Variants in PRXL2A observed in about 807,000 individuals in gnomAD.
PRXL2A encodes peroxiredoxin-like 2A.
Under a neutral mutation model 25.6 loss-of-function variants are expected in PRXL2A, and 26 were observed. The observed-to-expected ratio is 1.02, with a 90% confidence interval of 0.74 to 1.41. The LOEUF (loss-of-function observed/expected upper bound fraction) is 1.41. Ranked by LOEUF, PRXL2A falls within the 40% of genes most tolerant of loss-of-function variation. The pLI, the probability that PRXL2A is intolerant of heterozygous loss-of-function variation, is 0.00. For missense variants in PRXL2A, 246 were observed against 273.9 expected (o/e 0.90, Z 0.72); for synonymous variants, 98 against 102.9 (o/e 0.95, Z 0.29).
intron 5 of PRXL2A, 67 bp downstream of exon 5, chr10:80,427,563 A>AAGCT (rs1477916762): frequency 6.6e-7 from 1 of 1,523,984 alleles, no homozygotes; most frequent in Non-Finnish European, 9.0e-7. Context: ...CTCCAACCAG[A>AAGCT]AGCTGGAGTG....
chr10:80,416,331 G>A (rs914085816), intron 1 of PRXL2A, among the ~76,000 whole-genome samples: 37 of 152,186 alleles, frequency 2.4e-4, no homozygotes, highest in African/African-American at 6.8e-4. Flanking sequence ...CCAGAGGTGC[G>A]CTGTGCTAGG....
intron 3 of PRXL2A, among the ~76,000 whole-genome samples, chr10:80,425,098 C>G (rs1844999147): frequency 1.3e-5 from 2 of 152,168 alleles, no homozygotes; most frequent in Admixed American, 1.3e-4. Flanking sequence ...GATGAGTAGA[C>G]TGCATTTAAA....
rs1589219042 is a variant in PRXL2A at position 80,436,052 on chromosome 10, G to A, written c.*3953G>A. The A allele has an allele frequency of 6.6e-6, 1 of 151,990 alleles. No individual in the cohort carries two copies. The highest frequency in any genetic ancestry group is 1.9e-4 in the East Asian group (1 of 5,160). The allele number at this position is 151,990 out of a possible 1,614,324, so 9.4% of individuals were successfully genotyped here. On this transcript the variant is annotated 3_prime_UTR_variant, in exon 6 of 6. Transcript: ENST00000606162. ...CACAGTAGAATCACCTGGTGCGGGGGTTGGGGGCGGGGTGCAGTGTAAAAA... is the reference window on the plus strand; with the variant it reads ...CACAGTAGAATCACCTGGTGCGGGGATTGGGGGCGGGGTGCAGTGTAAAAA...
At position 80,408,579 on chromosome 10, in the gene PRXL2A, CG is replaced by C. The variant is rs1844347213; in HGVS notation, c.-65del. The C allele has an allele frequency of 6.6e-6, 1 of 152,186 alleles. No individual in the cohort carries two copies. Among genetic ancestry groups the C allele is most frequent in the Non-Finnish European group, 1.5e-5 (1 of 68,084 alleles). The allele number at this position is 152,186 out of a possible 1,614,324, so 9.4% of individuals were successfully genotyped here. A position where few individuals can be genotyped will look rare whatever the true frequency, so the allele number is the denominator to read the frequency against. On this transcript the variant is annotated 5_prime_UTR_variant, in exon 1 of 6. Coordinates refer to ENST00000606162, the MANE Select transcript of PRXL2A (RefSeq NM_032333.5). ...CGCCCCTGGGACCCTCCGGGCCGGG[CG>C]GTTTGGCCCCTTAGCGCCCGGGCGT...
rs922903611 is a variant in PRXL2A, at chr10:80,436,186, T to A, written c.*4087T>A. 6.0e-5 allele frequency: 9 copies of A among 150,818 alleles called. No individual in the cohort carries two copies. Among genetic ancestry groups the A allele is most frequent in the Non-Finnish European group, 2.9e-5 (2 of 67,872 alleles). The allele number at this position is 150,818 out of a possible 1,614,324, so 9.3% of individuals were successfully genotyped here. ...TAGAGTGCAGTAATGCAATCATGGC[T>A]CACTGCTGCCTTAACTTCTGGGCTC... On this transcript the variant is annotated 3_prime_UTR_variant, in exon 6 of 6. Transcript: ENST00000606162.
intron 1 of PRXL2A, among the ~76,000 whole-genome samples, chr10:80,415,923 G>A (rs1844645261): frequency 6.6e-6 from 1 of 152,246 alleles, no homozygotes; most frequent in African/African-American, 2.4e-5. Flanking sequence ...AGGAGTCAGA[G>A]TCCATTTGTG....
Position 80,433,594 on chromosome 10 carries a change from C to A in PRXL2A, c.*1495C>A, listed in dbSNP as rs374411753. 1 of 152,152 alleles carries A rather than the reference C, an allele frequency of 6.6e-6. No homozygotes were observed. The highest frequency in any genetic ancestry group is 1.5e-5 in the Non-Finnish European group (1 of 68,054). The allele number at this position is 152,152 out of a possible 1,614,324, so 9.4% of individuals were successfully genotyped here. A position where few individuals can be genotyped will look rare whatever the true frequency, so the allele number is the denominator to read the frequency against. On this transcript the variant is annotated 3_prime_UTR_variant, in exon 6 of 6. Coordinates refer to ENST00000606162, the MANE Select transcript of PRXL2A (RefSeq NM_032333.5). Reference sequence around the variant, plus strand: ...CAGAGTGAGTTAGGGTTGAGTGGTTCGGGACTAAGACCCACTAAGACCATG... The same window carrying A: ...CAGAGTGAGTTAGGGTTGAGTGGTTAGGGACTAAGACCCACTAAGACCATG...
chr10:80,413,804 T>G, intron 1 of PRXL2A: 2 of 1,071,262 alleles, frequency 1.9e-6, no homozygotes, highest in Non-Finnish European at 2.3e-6. Flanking sequence ...CCTTGCCGCC[T>G]GCCCAGGCCC....
intron 5 of PRXL2A, among the ~76,000 whole-genome samples, chr10:80,428,174 G>A (rs1244275948): frequency 3.9e-5 from 6 of 152,160 alleles, no homozygotes; most frequent in Admixed American, 3.9e-4. Flanking sequence ...GGTCCTGGCT[G>A]TGAGGCTCCA....
At chr10:80,431,556 C>G (rs1845261432) in intron 5 of PRXL2A, among the ~76,000 whole-genome samples, 2 of 152,104 alleles carry the variant, frequency 1.3e-5, no homozygotes, top group Non-Finnish European at 2.9e-5. Flanking sequence ...ATGAGGGTCT[C>G]TCTTTTAGAT....
intron 1 of PRXL2A, chr10:80,409,095 G>A (rs1056172821): frequency 2.0e-6 from 2 of 985,042 alleles, no homozygotes; most frequent in Non-Finnish European, 2.4e-6. Flanking sequence ...CCTCGTCCTC[G>A]TCTCTGTGCC....
intron 5 of PRXL2A, among the ~76,000 whole-genome samples, chr10:80,428,278 C>G (rs1845121933): frequency 6.6e-6 from 1 of 152,196 alleles, no homozygotes; most frequent in African/African-American, 2.4e-5. Context: ...GTGTCAGAGT[C>G]TAGGCAGCCT....
Position 80,427,361 on chromosome 10 carries a change from G to T in PRXL2A, c.441G>T (p.Lys147Asn), listed in dbSNP as rs1845078494. The T allele has an allele frequency of 2.5e-6, 4 of 1,614,150 alleles. No individual in the cohort carries two copies. Among genetic ancestry groups the T allele is most frequent in the Non-Finnish European group, 3.4e-6 (4 of 1,180,038 alleles). Residue 147 changes from lysine (K) to asparagine (N), a missense_variant, in exon 5 of 6, where the codon AAG becomes AAT. By Grantham distance (94) the Lys-to-Asn change is moderately conservative. Coordinates refer to ENST00000606162, the MANE Select transcript of PRXL2A (RefSeq NM_032333.5). ...KKKFYGPQRR[K>N]MMFMGFIRLG... is the part of the protein sequence containing the mutation. The stretch of plus-strand genomic sequence containing the variant: ...AGTTCTATGGTCCACAAAGGCGGAA[G>T]ATGATGTTTATGGGATTTATCCGTC...
chr10:80,422,395 A>G (rs1844898687), intron 2 of PRXL2A, 22 bp from the exon 3 acceptor site: 1 of 1,598,028 alleles, frequency 6.3e-7, no homozygotes, highest in Non-Finnish European at 8.6e-7. Context: ...GAGATATCGA[A>G]TTTCTTTTTT....
At chr10:80,419,376 C>T (rs1211619236) in intron 1 of PRXL2A, among the ~76,000 whole-genome samples, 2 of 147,228 alleles carry the variant, frequency 1.4e-5, no homozygotes, top group African/African-American at 2.5e-5. Context: ...GGCACGATCT[C>T]GGCTCACCGC....
intron 4 of PRXL2A, 36 bp from the exon 5 acceptor site, chr10:80,427,296 A>G (rs758055062): frequency 5.6e-6 from 9 of 1,596,330 alleles, no homozygotes; most frequent in Non-Finnish European, 7.7e-6. Flanking sequence ...AGGCATGTAG[A>G]GTACTCATAT....
At chr10:80,408,946 C>T in intron 1 of PRXL2A, 1 of 810,616 alleles carries the variant, frequency 1.2e-6, no homozygotes, top group Non-Finnish European at 1.5e-6. Context: ...CCTCTGTCCA[C>T]GCCCGCAAGC....
chr10:80,427,115 C>G (rs1179256231), intron 4 of PRXL2A, among the ~76,000 whole-genome samples: 1 of 147,762 alleles, frequency 6.8e-6, no homozygotes. Flanking sequence ...TGTACTCTAG[C>G]CTGACTGACA....
intron 5 of PRXL2A, among the ~76,000 whole-genome samples, 172 bp from the exon 6 acceptor site, chr10:80,431,814 G>A (rs941373830): frequency 5.3e-5 from 8 of 152,014 alleles, no homozygotes; most frequent in East Asian, 1.9e-4. Flanking sequence ...GGCCTTCTCC[G>A]GTCTATCTTC....
Sources: gnomAD v4.1 joint callset for allele counts (sites outside exome capture counted in the v4.1 genomes callset) on GRCh38, gnomAD v4.1.1 for gene constraint, MANE v1.5 for transcripts, NCBI Gene and HGNC (gene_info 2026-07-23, HGNC 2026-07-21) for gene names.